SORCS2: variants seen among roughly 807,000 people sequenced by gnomAD.
The protein encoded by SORCS2 is VPS10 domain-containing receptor SorCS2.
In SORCS2, 100 loss-of-function variants were observed where a neutral mutation model predicts 141.6. The ratio of observed to expected loss-of-function variants is 0.71; its 90% CI spans 0.60 to 0.83. SORCS2 has a LOEUF of 0.83. SORCS2 is among the 40% of genes least tolerant of loss of function. SORCS2 has a pLI of 0.00. For missense variants in SORCS2, 1,646 were observed against 1,560.2 expected (o/e 1.05, Z -0.93); for synonymous variants, 789 against 676.9 (o/e 1.17, Z -2.57).
chr4:7,436,888 G>C (rs191172969), intron 2 of SORCS2, among the ~76,000 whole-genome samples: 73 of 152,320 alleles, frequency 4.8e-4, no homozygotes, highest in African/African-American at 1.6e-3. Context: ...GAGCGGCACG[G>C]ATTGGGCATG....
intron 1 of SORCS2, among the ~76,000 whole-genome samples, chr4:7,394,030 C>A (rs569901231): frequency 6.6e-6 from 1 of 151,508 alleles, no homozygotes; most frequent in Non-Finnish European, 1.5e-5. Context: ...CCTTCCTGGG[C>A]GACCTCCTTG....
At chr4:7,464,933 G>A (rs1186528395) in intron 2 of SORCS2, among the ~76,000 whole-genome samples, 1 of 152,236 alleles carries the variant, frequency 6.6e-6, no homozygotes, top group African/African-American at 2.4e-5. Context: ...AGCACAGCCC[G>A]GCCTCCACGG....
At chr4:7,261,897 G>A (rs926105757) in intron 1 of SORCS2, among the ~76,000 whole-genome samples, 1 of 152,232 alleles carries the variant, frequency 6.6e-6, no homozygotes, top group Non-Finnish European at 1.5e-5. Context: ...TCCTTTCCAT[G>A]TGATTTGTGT....
intron 3 of SORCS2, among the ~76,000 whole-genome samples, chr4:7,635,728 G>A (rs1319030579): frequency 2.0e-5 from 3 of 151,912 alleles, no homozygotes; most frequent in Non-Finnish European, 4.4e-5. Flanking sequence ...TTTTTCCTAC[G>A]GATAAACCAC....
At chr4:7,608,703 G>A (rs1304507419) in intron 3 of SORCS2, among the ~76,000 whole-genome samples, 1 of 152,192 alleles carries the variant, frequency 6.6e-6, no homozygotes, top group African/African-American at 2.4e-5. Context: ...AGGCTTCTGT[G>A]CCATCTGTGG....
chr4:7,362,679 A>G (rs1041082899), intron 1 of SORCS2, among the ~76,000 whole-genome samples: 5 of 151,750 alleles, frequency 3.3e-5, no homozygotes, highest in African/African-American at 1.2e-4. Flanking sequence ...TGCTACCATG[A>G]CTGCCATCAC....
chr4:7,383,080 C>T (rs982620565), intron 1 of SORCS2, among the ~76,000 whole-genome samples: 1 of 152,104 alleles, frequency 6.6e-6, no homozygotes, highest in Non-Finnish European at 1.5e-5. Context: ...CCACGGAGTC[C>T]TCATGCCCCG....
chr4:7,376,698 T>A (rs552051767), intron 1 of SORCS2, among the ~76,000 whole-genome samples: 1 of 152,270 alleles, frequency 6.6e-6, no homozygotes. Context: ...TACATATGCA[T>A]GTCTTTGTGG....
At chr4:7,381,044 T>A (rs1029444104) in intron 1 of SORCS2, among the ~76,000 whole-genome samples, 3 of 139,124 alleles carry the variant, frequency 2.2e-5, no homozygotes, top group Non-Finnish European at 4.5e-5. Context: ...ATTGCGCCAC[T>A]GCACTCCAGC....
At chr4:7,348,117 T>G (rs1720742835) in intron 1 of SORCS2, among the ~76,000 whole-genome samples, 1 of 152,230 alleles carries the variant, frequency 6.6e-6, no homozygotes. Flanking sequence ...GAGTCCCTCG[T>G]GTCAGGCCAA....
At chr4:7,247,453 T>C (rs537508870) in intron 1 of SORCS2, among the ~76,000 whole-genome samples, 12 of 152,320 alleles carry the variant, frequency 7.9e-5, no homozygotes, top group African/African-American at 2.9e-4. Context: ...TAAAATATAA[T>C]GAAAAACATT....
chr4:7,658,131 CTGAG>C (rs1264985107), intron 5 of SORCS2, among the ~76,000 whole-genome samples: 1 of 147,434 alleles, frequency 6.8e-6, no homozygotes, highest in Non-Finnish European at 1.5e-5. Context: ...GATTGAGTGA[CTGAG>C]TGAGTGACTG....
At chr4:7,338,403 G>A (rs1720153752) in intron 1 of SORCS2, among the ~76,000 whole-genome samples, 1 of 146,650 alleles carries the variant, frequency 6.8e-6, no homozygotes, top group South Asian at 2.2e-4. Flanking sequence ...ATGGATGGTT[G>A]GATGTCGGTT....
At chr4:7,675,679 C>T (rs936250104) in intron 8 of SORCS2, among the ~76,000 whole-genome samples, 20 of 152,304 alleles carry the variant, frequency 1.3e-4, no homozygotes, top group African/African-American at 4.6e-4. Flanking sequence ...AGCCCTCACC[C>T]CCTGGAATCA....
At chr4:7,480,219 TG>T (rs1317463972) in intron 2 of SORCS2, among the ~76,000 whole-genome samples, 2 of 152,238 alleles carry the variant, frequency 1.3e-5, no homozygotes, top group African/African-American at 4.8e-5. Context: ...GACCAGGTGT[TG>T]AGCCCGAGAG....
chr4:7,301,105 C>T lies in SORCS2; in HGVS notation c.481-95183C>T, dbSNP rs114668505. 4.9e-3 allele frequency among the ~76,000 whole-genome samples: 744 copies of T among 152,234 alleles called. 7 individuals are homozygous for T. The highest frequency in any genetic ancestry group is 0.016 in the African/African-American group (680 of 41,538). The stretch of plus-strand genomic sequence containing the variant: ...CCTTGTTTCCTCGGCCCAGCCCTGG[C>T]GGGACTGTGTCCTTCTGTCCCTGCT... On this transcript the variant is annotated intron_variant, in intron 1 of 26. Transcript: ENST00000507866.
chr4:7,295,763 G>A (rs567538178), intron 1 of SORCS2, among the ~76,000 whole-genome samples: 3 of 152,340 alleles, frequency 2.0e-5, no homozygotes, highest in Non-Finnish European at 2.9e-5. Context: ...ACCATTTGAG[G>A]TGTGGCCTCC....
Position 7,682,873 on chromosome 4 carries a change from C to A in SORCS2, c.1472C>A (p.Pro491Gln), listed in dbSNP as rs752711566. 1.2e-6 allele frequency: 2 copies of A among 1,613,448 alleles called. No individual in the cohort carries two copies. Among genetic ancestry groups the A allele is most frequent in the Non-Finnish European group, 1.7e-6 (2 of 1,179,712 alleles). Residue 491 changes from proline to glutamine, a missense_variant, in exon 10 of 27, where the codon CCA becomes CAA. Pro to Gln is a moderately conservative substitution (Grantham distance 76). Coordinates refer to ENST00000507866, the MANE Select transcript of SORCS2 (RefSeq NM_020777.3). ...RPPSMDMNGK[P>Q]TNCKPPDCHL... is the part of the protein sequence containing the mutation. ...CCCAGCATGGACATGAATGGAAAAC[C>A]AACCAACTGCAAGCCTGTAAGTACC...
chr4:7,668,960 C>T (rs1057467176), intron 8 of SORCS2, among the ~76,000 whole-genome samples: 2 of 152,180 alleles, frequency 1.3e-5, no homozygotes, highest in Admixed American at 1.3e-4. Context: ...AGTCAGCCTG[C>T]TGCCAAGGGT....
Sources: gnomAD v4.1 joint callset for allele counts (sites outside exome capture counted in the v4.1 genomes callset) on GRCh38, gnomAD v4.1.1 for gene constraint, MANE v1.5 for transcripts, NCBI Gene and HGNC (gene_info 2026-07-23, HGNC 2026-07-21) for gene names.